Variants in GTF2H1 observed in about 807,000 individuals in gnomAD.
The protein encoded by GTF2H1 is BTF2 p62.
Under a neutral mutation model 71.2 loss-of-function variants are expected in GTF2H1, and 16 were observed. The ratio of observed to expected loss-of-function variants is 0.22; its 90% CI spans 0.15 to 0.34. GTF2H1 has a LOEUF of 0.34. GTF2H1 is among the 10% of genes least tolerant of loss of function. The pLI, the probability that GTF2H1 is intolerant of heterozygous loss-of-function variation, is 1.00. For synonymous variants in GTF2H1, 215 were observed against 219.0 expected (o/e 0.98, Z 0.16); for missense variants, 498 against 648.2 (o/e 0.77, Z 2.52).
rs763231961 is a variant in GTF2H1 at position 18,347,701 on chromosome 11, T to G, written c.951T>G (p.Ala317=). ...FNHHSAMVLA[A]GLRKQEAQNE... ...ATCACAGTGCCATGGTCCTGGCAGC[T>G]GGACTCAGAAAACAGTTAAGTATAA... Residue 317 remains alanine (A), a synonymous_variant, in exon 8 of 15, where the codon GCT becomes GCG. Coordinates refer to ENST00000265963, the MANE Select transcript of GTF2H1 (RefSeq NM_005316.4). 1 of 1,613,544 alleles carries G rather than the reference T, an allele frequency of 6.2e-7. No individual in the cohort carries two copies. Among genetic ancestry groups the G allele is most frequent in the South Asian group, 1.1e-5 (1 of 91,024 alleles).
At chr11:18,329,612 A>G (rs927047387) in intron 1 of GTF2H1, among the ~76,000 whole-genome samples, 3 of 152,202 alleles carry the variant, frequency 2.0e-5, no homozygotes, top group Admixed American at 6.5e-5. Flanking sequence ...CTTCTCCACT[A>G]TATGCCTCCA....
chr11:18,334,356 G>A (rs1220347026), intron 2 of GTF2H1, among the ~76,000 whole-genome samples: 1 of 152,140 alleles, frequency 6.6e-6, no homozygotes. Flanking sequence ...CTCCAGTCTG[G>A]GTGCGAGACT....
intron 3 of GTF2H1, among the ~76,000 whole-genome samples, chr11:18,337,651 A>G (rs544227944): frequency 1.3e-5 from 2 of 152,094 alleles, no homozygotes; most frequent in African/African-American, 2.4e-5. Context: ...AAATATAACT[A>G]TTTACCTTGT....
chr11:18,356,788 T>C (rs981186263), intron 11 of GTF2H1, among the ~76,000 whole-genome samples: 10 of 10,808 alleles, frequency 9.3e-4, no homozygotes, highest in African/African-American at 4.2e-3. Flanking sequence ...TCAATCTTTG[T>C]TTTTTTTTTT....
intron 1 of GTF2H1, among the ~76,000 whole-genome samples, chr11:18,325,047 A>G (rs749121410): frequency 6.6e-6 from 1 of 152,184 alleles, no homozygotes; most frequent in Non-Finnish European, 1.5e-5. Flanking sequence ...ACACTTTTGG[A>G]TTGCTTGATG....
At chr11:18,346,165 C>G (rs1304429369) in intron 7 of GTF2H1, among the ~76,000 whole-genome samples, 3 of 152,118 alleles carry the variant, frequency 2.0e-5, no homozygotes, top group Non-Finnish European at 2.9e-5. Context: ...GTGTATTGAA[C>G]CATATACAGT....
intron 11 of GTF2H1, among the ~76,000 whole-genome samples, chr11:18,352,961 C>G (rs1018800376): frequency 1.3e-5 from 2 of 152,264 alleles, no homozygotes; most frequent in African/African-American, 4.8e-5. Context: ...CACAGTGGCT[C>G]ACGCCTGTAA....
chr11:18,355,969 C>T (rs1474134316), intron 11 of GTF2H1, among the ~76,000 whole-genome samples: 3 of 152,114 alleles, frequency 2.0e-5, no homozygotes, highest in Non-Finnish European at 2.9e-5. Context: ...ACAATATCCC[C>T]GTCATTCTTA....
chr11:18,337,697 A>G (rs1394026714), intron 3 of GTF2H1, among the ~76,000 whole-genome samples: 4 of 152,162 alleles, frequency 2.6e-5, no homozygotes, highest in Non-Finnish European at 5.9e-5. Flanking sequence ...TATAAGATTT[A>G]TAATATAAGA....
chr11:18,352,480 C>A, intron 11 of GTF2H1, 34 bp downstream of exon 11: 1 of 815,874 alleles, frequency 1.2e-6, no homozygotes, highest in African/African-American at 1.7e-5. Flanking sequence ...GGCCAGAATT[C>A]CCATAGTTCC....
At chr11:18,365,744 C>CT in intron 14 of GTF2H1, 39 bp from the exon 15 acceptor site, 1 of 1,406,950 alleles carries the variant, frequency 7.1e-7, no homozygotes, top group Admixed American at 1.7e-5. Flanking sequence ...ACTTCCCCTG[C>CT]TTTTGCCCAG....
intron 14 of GTF2H1, among the ~76,000 whole-genome samples, chr11:18,361,785 C>T (rs1209990713): frequency 2.0e-5 from 3 of 152,200 alleles, no homozygotes; most frequent in Non-Finnish European, 2.9e-5. Flanking sequence ...AGAATTGCCA[C>T]TACTCATAGT....
chr11:18,338,431 T>G (rs1865081963), intron 4 of GTF2H1, among the ~76,000 whole-genome samples, 157 bp downstream of exon 4: 1 of 101,710 alleles, frequency 9.8e-6, no homozygotes, highest in African/African-American at 3.3e-5. Flanking sequence ...TGAACTATTA[T>G]TATTATGTTT....
At chr11:18,335,726 A>T in intron 2 of GTF2H1, 28 bp from the exon 3 acceptor site, 1 of 1,562,246 alleles carries the variant, frequency 6.4e-7, no homozygotes, top group Non-Finnish European at 8.8e-7. Context: ...GAGTGTCATC[A>T]TCTAACTGCC....
chr11:18,342,906 G>T (rs751814447), intron 7 of GTF2H1, among the ~76,000 whole-genome samples: 2 of 151,968 alleles, frequency 1.3e-5, no homozygotes, highest in East Asian at 3.9e-4. Flanking sequence ...GGCCCTGTTT[G>T]GTTTTTGTTT....
chr11:18,338,815 G>A (rs1338607161), intron 4 of GTF2H1, among the ~76,000 whole-genome samples: 1 of 152,020 alleles, frequency 6.6e-6, no homozygotes, highest in African/African-American at 2.4e-5. Context: ...TACCAGTTAT[G>A]TTTTCTTGGC....
At chr11:18,350,554 T>C (rs1254347811) in intron 9 of GTF2H1, among the ~76,000 whole-genome samples, 2 of 152,090 alleles carry the variant, frequency 1.3e-5, no homozygotes, top group East Asian at 3.9e-4. Context: ...TTTAAAACGT[T>C]AAGTTTTCAG....
At chr11:18,359,720 T>G (rs758277937) in intron 13 of GTF2H1, among the ~76,000 whole-genome samples, 1 of 152,056 alleles carries the variant, frequency 6.6e-6, no homozygotes, top group South Asian at 2.1e-4. Flanking sequence ...TTATTTTATT[T>G]TATTTATTGA....
intron 7 of GTF2H1, among the ~76,000 whole-genome samples, chr11:18,346,179 A>T (rs1455055762): frequency 6.6e-6 from 1 of 152,144 alleles, no homozygotes; most frequent in Non-Finnish European, 1.5e-5. Context: ...ATACAGTCTC[A>T]TGACACAATA....
Sources: gnomAD v4.1 joint callset for allele counts (sites outside exome capture counted in the v4.1 genomes callset) on GRCh38, gnomAD v4.1.1 for gene constraint, MANE v1.5 for transcripts, NCBI Gene and HGNC (gene_info 2026-07-23, HGNC 2026-07-21) for gene names.